The following ABLIM1 variants were observed in gnomAD, a reference collection of about 807,000 sequenced individuals.
ABLIM1 encodes the protein actin-binding LIM protein 1.
ABLIM1 carries 40 observed loss-of-function variants against 107.0 expected under a neutral mutation model. That is an observed-to-expected ratio of 0.37 (90% CI 0.29 to 0.49). The LOEUF (loss-of-function observed/expected upper bound fraction) is 0.49, where lower values mean the gene tolerates loss of function less well. Among genes scored for constraint, ABLIM1 ranks in the 20% least tolerant of loss-of-function variants. ABLIM1 has a pLI of 0.97. For synonymous variants in ABLIM1, 357 were observed against 357.3 expected, an observed-to-expected ratio of 1.00 and a Z score of 0.01; for missense variants, 857 against 1,008.5, an observed-to-expected ratio of 0.85 and a Z score of 2.04.
At chr10:114,797,674 C>A in the ABLIM1 span, among the ~76,000 whole-genome samples, 7 of 152,148 alleles carry the variant, frequency 4.6e-5, no homozygotes, top group Non-Finnish European at 7.3e-5. Flanking sequence ...AATATGGTAG[C>A]CACTAGCCAC....
intron 1 of ABLIM1, chr10:114,632,698 A>G (rs2078265443): frequency 1.0e-6 from 1 of 985,414 alleles, no homozygotes; most frequent in Non-Finnish European, 1.2e-6. Flanking sequence ...GATCAAAGTT[A>G]AAATCTGATT....
intron 1 of ABLIM1, among the ~76,000 whole-genome samples, chr10:114,697,467 C>T (rs956668861): frequency 6.6e-6 from 1 of 152,242 alleles, no homozygotes; most frequent in African/African-American, 2.4e-5. Context: ...AGCCAGCCTC[C>T]GGGCCAGCCC....
intron 1 of ABLIM1, among the ~76,000 whole-genome samples, chr10:114,705,653 G>C (rs906805971): frequency 7.2e-5 from 11 of 152,126 alleles, no homozygotes; most frequent in African/African-American, 2.7e-4. Flanking sequence ...AGAAAGGCTG[G>C]GCACCATGAT....
chr10:114,580,926 G>A (rs955415903), intron 2 of ABLIM1, among the ~76,000 whole-genome samples: 1 of 151,988 alleles, frequency 6.6e-6, no homozygotes, highest in African/African-American at 2.4e-5. Context: ...TAAAAAATAG[G>A]GCTTCTAGTG....
intron 7 of ABLIM1, among the ~76,000 whole-genome samples, chr10:114,489,129 T>A (rs1207403561): frequency 6.6e-6 from 1 of 152,158 alleles, no homozygotes; most frequent in Non-Finnish European, 1.5e-5. Flanking sequence ...GCGATTCTCC[T>A]GCCTCAGCCT....
At chr10:114,491,405 T>C (rs2058983060) in intron 7 of ABLIM1, among the ~76,000 whole-genome samples, 1 of 152,124 alleles carries the variant, frequency 6.6e-6, no homozygotes, top group Non-Finnish European at 1.5e-5. Context: ...AAAGTAGCCA[T>C]CAAATAAGTA....
At chr10:114,677,135 C>A (rs2080522880) in intron 1 of ABLIM1, among the ~76,000 whole-genome samples, 7 of 152,190 alleles carry the variant, frequency 4.6e-5, no homozygotes, top group Admixed American at 4.6e-4. Flanking sequence ...CTATGGTCCA[C>A]TTGTTTGCCA....
At chr10:114,539,935 G>A (rs763385728) in intron 6 of ABLIM1, among the ~76,000 whole-genome samples, 16 of 152,268 alleles carry the variant, frequency 1.1e-4, no homozygotes, top group East Asian at 9.6e-4. Context: ...GAGAAAAGAC[G>A]GAGAGAGCAA....
chr10:114,464,478 G>A lies in ABLIM1; in HGVS notation c.1441+1220C>T, dbSNP rs138872552. ...TGGGATTACAGGCATGAGCCACCACGCCTGGCCCAGCATAAAGGATTTCTT... is the reference window on the plus strand; with the variant it reads ...TGGGATTACAGGCATGAGCCACCACACCTGGCCCAGCATAAAGGATTTCTT... On this transcript the variant is annotated intron_variant, in intron 12 of 22. Coordinates refer to ENST00000533213, the MANE Select transcript of ABLIM1 (RefSeq NM_002313.7). Among the ~76,000 whole-genome samples, 921 of 152,198 alleles carry A rather than the reference G, an allele frequency of 6.1e-3. 12 individuals are homozygous for A. The highest frequency in any genetic ancestry group is 0.021 in the African/African-American group (883 of 41,520).
At chr10:114,711,865 C>T (rs1486579012) in intron 1 of ABLIM1, among the ~76,000 whole-genome samples, 3 of 152,148 alleles carry the variant, frequency 2.0e-5, no homozygotes, top group Non-Finnish European at 4.4e-5. Flanking sequence ...AGATATCCTG[C>T]TAAGTGCCCC....
Position 114,556,076 on chromosome 10 carries a change from G to GA in ABLIM1, c.674-8301dup, listed in dbSNP as rs748571089. On this transcript the variant is annotated intron_variant, in intron 4 of 22. Coordinates refer to ENST00000533213, the MANE Select transcript of ABLIM1 (RefSeq NM_002313.7). ...CAGGACTCAAGCTAAGGAGCTCCAA[G>GA]AAAAAAAAAAACAAATTTAAGTTCT... Among the ~76,000 whole-genome samples, 163 of 145,320 alleles carry GA rather than the reference G, an allele frequency of 1.1e-3. 1 individual carries two copies. Among genetic ancestry groups the GA allele is most frequent in the East Asian group, 5.0e-3 (25 of 5,046 alleles).
intron 2 of ABLIM1, among the ~76,000 whole-genome samples, chr10:114,591,205 T>G (rs2074830226): frequency 6.6e-6 from 1 of 152,154 alleles, no homozygotes; most frequent in Admixed American, 6.6e-5. Context: ...ACATCATCAC[T>G]TCAGATGCAA....
chr10:114,493,945 T>C (rs532354684), intron 6 of ABLIM1, among the ~76,000 whole-genome samples: 3 of 152,262 alleles, frequency 2.0e-5, no homozygotes, highest in South Asian at 2.1e-4. Flanking sequence ...ACACAAAAAA[T>C]ACACTTTTTT....
chr10:114,559,457 AAAAAAG>A, intron 4 of ABLIM1, among the ~76,000 whole-genome samples: 1 of 145,708 alleles, frequency 6.9e-6, no homozygotes, highest in African/African-American at 2.7e-5. Flanking sequence ...AAAAAAAAAA[AAAAAAG>A]AAAGAAAGAA....
In ABLIM1 at chr10:114,433,927, C is replaced by T. The variant is rs1447322262; in HGVS notation, c.*2333G>A. On this transcript the variant is annotated 3_prime_UTR_variant, in exon 23 of 23. Transcript: ENST00000533213. Reference sequence around the variant, plus strand: ...CATTAATCAATGTAAAACGTAGGGACCCTTTATTAGCTCCATAATGAAAAA... The same window carrying T: ...CATTAATCAATGTAAAACGTAGGGATCCTTTATTAGCTCCATAATGAAAAA... 2.0e-5 allele frequency: 3 copies of T among 152,220 alleles called. No homozygotes were observed. Among genetic ancestry groups the T allele is most frequent in the Non-Finnish European group, 4.4e-5 (3 of 68,022 alleles). 9.4% of individuals were successfully genotyped at this position (152,220 alleles called of 1,614,324 possible).
intron 6 of ABLIM1, among the ~76,000 whole-genome samples, chr10:114,524,662 G>A (rs1353310435): frequency 6.6e-6 from 1 of 152,148 alleles, no homozygotes; most frequent in Non-Finnish European, 1.5e-5. Context: ...ATGGATCACT[G>A]TATAAGCTTC....
chr10:114,474,194 G>A (rs936680732), intron 8 of ABLIM1, among the ~76,000 whole-genome samples: 4 of 152,068 alleles, frequency 2.6e-5, no homozygotes, highest in African/African-American at 9.7e-5. Context: ...TGTCCCCTAC[G>A]AGAATTTCTG....
chr10:114,682,331 A>G (rs2080782221), intron 1 of ABLIM1, among the ~76,000 whole-genome samples: 1 of 152,216 alleles, frequency 6.6e-6, no homozygotes, highest in Admixed American at 6.5e-5. Context: ...GAGAAAGGAC[A>G]GGATGATCTT....
At chr10:114,754,736 T>C (rs2082592122) in intron 1 of ABLIM1, among the ~76,000 whole-genome samples, 1 of 152,138 alleles carries the variant, frequency 6.6e-6, no homozygotes, top group Admixed American at 6.5e-5. Flanking sequence ...TAAATACCCT[T>C]CTCTTAGTGT....
Sources: allele counts gnomAD v4.1 joint callset (sites outside exome capture counted in the v4.1 genomes callset), GRCh38; gene constraint gnomAD v4.1.1; transcripts MANE v1.5; gene names NCBI Gene and HGNC (gene_info 2026-07-23, HGNC 2026-07-21).